Variants in ST8SIA1 observed in about 807,000 individuals in gnomAD.
The protein encoded by ST8SIA1 is alpha-N-acetylneuraminide alpha-2,8-sialyltransferase.
Under a neutral mutation model 35.9 loss-of-function variants are expected in ST8SIA1, and 16 were observed. That is an observed-to-expected ratio of 0.45 (90% confidence interval 0.30 to 0.68). ST8SIA1 has a LOEUF of 0.68. Among genes scored for constraint, ST8SIA1 ranks in the 30% least tolerant of loss-of-function variants. ST8SIA1 has a pLI of 0.09. For synonymous variants in ST8SIA1, 170 were observed against 169.6 expected, an observed-to-expected ratio of 1.00 and a Z score of -0.02; for missense variants, 383 against 453.6, an observed-to-expected ratio of 0.84 and a Z score of 1.41.
intron 2 of ST8SIA1, among the ~76,000 whole-genome samples, chr12:22,264,495 A>C (rs1357232435): frequency 2.6e-5 from 4 of 152,170 alleles, no homozygotes; most frequent in Non-Finnish European, 4.4e-5. Flanking sequence ...CCAGTAAGTA[A>C]ACTAACACGT....
chr12:22,290,046 C>T (rs1168824378), intron 1 of ST8SIA1, among the ~76,000 whole-genome samples: 1 of 152,124 alleles, frequency 6.6e-6, no homozygotes, highest in African/African-American at 2.4e-5. Flanking sequence ...GGCACTCATA[C>T]CTTTAGTGGG....
chr12:22,229,162 A>C (rs1865389101), intron 4 of ST8SIA1, among the ~76,000 whole-genome samples: 1 of 152,042 alleles, frequency 6.6e-6, no homozygotes. Context: ...TTGAAGGAAG[A>C]TCTTAGGACA....
chr12:22,329,992 C>T (rs1327353119), intron 1 of ST8SIA1, among the ~76,000 whole-genome samples: 1 of 152,208 alleles, frequency 6.6e-6, no homozygotes, highest in East Asian at 1.9e-4. Context: ...CATTCAAAGA[C>T]TCCTGGCTTC....
intron 1 of ST8SIA1, among the ~76,000 whole-genome samples, chr12:22,332,172 T>C (rs1419383750): frequency 1.9e-4 from 29 of 152,200 alleles, no homozygotes; most frequent in Admixed American, 1.3e-3. Flanking sequence ...CTTTGAGGGA[T>C]ATGTGTTTAG....
chr12:22,288,384 T>G (rs1404315271), intron 1 of ST8SIA1, among the ~76,000 whole-genome samples: 1 of 152,178 alleles, frequency 6.6e-6, no homozygotes, highest in Non-Finnish European at 1.5e-5. Context: ...AGAACTGCCC[T>G]ATGAGACTTT....
At chr12:22,204,871 G>A (rs2120616392) in intron 4 of ST8SIA1, among the ~76,000 whole-genome samples, 1 of 152,162 alleles carries the variant, frequency 6.6e-6, no homozygotes, top group Non-Finnish European at 1.5e-5. Context: ...TAATGGGGTT[G>A]GTATTGAATT....
At chr12:22,321,014 GAA>G (rs374213518) in intron 1 of ST8SIA1, among the ~76,000 whole-genome samples, 1,677 of 97,420 alleles carry the variant, frequency 0.017, 18 homozygotes, top group East Asian at 0.045. Flanking sequence ...AAGAAAGAAA[GAA>G]AGAAAGAAAG....
intron 4 of ST8SIA1, among the ~76,000 whole-genome samples, chr12:22,221,749 T>C (rs1865302677): frequency 1.3e-5 from 2 of 152,244 alleles, no homozygotes; most frequent in Admixed American, 1.3e-4. Context: ...ATTCAAGTGT[T>C]AGTGGATTAG....
chr12:22,231,002 C>T (rs1865413026), intron 4 of ST8SIA1, among the ~76,000 whole-genome samples: 1 of 151,962 alleles, frequency 6.6e-6, no homozygotes, highest in Admixed American at 6.6e-5. Context: ...CACATCTCTG[C>T]ATATCCCAAA....
At chr12:22,264,582 G>C (rs768216954) in intron 2 of ST8SIA1, among the ~76,000 whole-genome samples, 1 of 148,334 alleles carries the variant, frequency 6.7e-6, no homozygotes, top group African/African-American at 2.6e-5. Flanking sequence ...CTTTGCATAC[G>C]TAAGCATTTT....
At chr12:22,288,025 C>CA (rs957101912) in intron 1 of ST8SIA1, among the ~76,000 whole-genome samples, 4 of 152,180 alleles carry the variant, frequency 2.6e-5, no homozygotes, top group African/African-American at 9.7e-5. Context: ...GCACCAGCAT[C>CA]ACTGGGGTAA....
chr12:22,228,583 C>A (rs1865382673), intron 4 of ST8SIA1, among the ~76,000 whole-genome samples: 1 of 152,170 alleles, frequency 6.6e-6, no homozygotes, highest in Non-Finnish European at 1.5e-5. Context: ...GAGACAGAGT[C>A]ATTGCCATTG....
chr12:22,228,374 A>C (rs753968343), intron 4 of ST8SIA1, among the ~76,000 whole-genome samples: 1 of 152,146 alleles, frequency 6.6e-6, no homozygotes, highest in African/African-American at 2.4e-5. Context: ...TTCCCTGCAG[A>C]TTCTAGCATT....
chr12:22,244,506 C>T (rs1033981819), intron 4 of ST8SIA1, among the ~76,000 whole-genome samples: 3 of 152,072 alleles, frequency 2.0e-5, no homozygotes, highest in Non-Finnish European at 4.4e-5. Flanking sequence ...CGACAGACTT[C>T]GGTTCAGTGG....
At chr12:22,216,485 C>A (rs1865234990) in intron 4 of ST8SIA1, among the ~76,000 whole-genome samples, 2 of 152,158 alleles carry the variant, frequency 1.3e-5, no homozygotes. Flanking sequence ...CTTTGCCCTG[C>A]TAATTCCTAC....
intron 2 of ST8SIA1, among the ~76,000 whole-genome samples, chr12:22,271,725 C>T (rs1032642031): frequency 9.2e-5 from 14 of 152,202 alleles, no homozygotes; most frequent in Non-Finnish European, 8.8e-5. Context: ...GGCTTCCCTG[C>T]TCCAAGTAGT....
chr12:22,290,252 G>T (rs1016170179), intron 1 of ST8SIA1, among the ~76,000 whole-genome samples: 5 of 152,160 alleles, frequency 3.3e-5, no homozygotes, highest in African/African-American at 7.2e-5. Flanking sequence ...CTGGAGGGTG[G>T]CTAAAAAGAA....
chr12:22,233,862 T>C (rs537175844), intron 4 of ST8SIA1, among the ~76,000 whole-genome samples: 2 of 152,336 alleles, frequency 1.3e-5, no homozygotes, highest in Non-Finnish European at 2.9e-5. Context: ...TTATGTGCCA[T>C]GCTTCCTCCA....
At position 22,252,962 on chromosome 12, in the gene ST8SIA1, G is replaced by A. The variant is rs903034878; in HGVS notation, c.491+2318C>T. Among the ~76,000 whole-genome samples the A allele has an allele frequency of 5.3e-5, 8 of 152,270 alleles. No individual in the cohort carries two copies. In the South Asian group the frequency reaches 6.2e-4, roughly 12 times the overall value. Reference sequence around the variant, plus strand: ...TTTGAATCTGTGAGTTGAATACTACGTATTCCTTCTTCCTTACATAATTTT... The same window carrying A: ...TTTGAATCTGTGAGTTGAATACTACATATTCCTTCTTCCTTACATAATTTT... On this transcript the variant is annotated intron_variant, in intron 3 of 4. Transcript: ENST00000396037.
Sources: gnomAD v4.1 joint callset for allele counts (sites outside exome capture counted in the v4.1 genomes callset) on GRCh38, gnomAD v4.1.1 for gene constraint, MANE v1.5 for transcripts, NCBI Gene and HGNC (gene_info 2026-07-23, HGNC 2026-07-21) for gene names.